ZNF883: variants seen among roughly 807,000 people sequenced by gnomAD.
The protein encoded by ZNF883 is zinc finger protein 883.
chr9:112,991,542 G>T (rs191466956), intron 1 of ZNF883, among the ~76,000 whole-genome samples: 21 of 152,156 alleles, frequency 1.4e-4, no homozygotes, highest in Admixed American at 4.6e-4. Flanking sequence ...TTGCGGCACC[G>T]AGAAGAATGT....
At chr9:113,004,314 T>A (rs1587896870) in intron 2 of ZNF883, among the ~76,000 whole-genome samples, 1 of 152,230 alleles carries the variant, frequency 6.6e-6, no homozygotes, top group Non-Finnish European at 1.5e-5. Context: ...TTGTTTTAAG[T>A]TACCCAATTT....
intron 2 of ZNF883, among the ~76,000 whole-genome samples, chr9:113,008,342 C>T (rs774818730): frequency 6.6e-6 from 1 of 152,054 alleles, no homozygotes; most frequent in African/African-American, 2.4e-5. Context: ...CCTTTTTTAA[C>T]ATTCTAAGTA....
chr9:112,996,562 C>T (rs916745572), downstream of ZNF883, among the ~76,000 whole-genome samples: 22 of 151,140 alleles, frequency 1.5e-4, no homozygotes, highest in Non-Finnish European at 2.8e-4. Flanking sequence ...GAGGCCGAGG[C>T]GGGCAGATCA....
intron 2 of ZNF883, among the ~76,000 whole-genome samples, chr9:113,005,439 A>G (rs1039248970): frequency 6.6e-6 from 1 of 152,362 alleles, no homozygotes; most frequent in South Asian, 2.1e-4. Context: ...TTCTAATCCC[A>G]GAAATACAAA....
chr9:112,998,282 A>G (rs372886114), upstream of ZNF883: 43 of 1,449,560 alleles, frequency 3.0e-5, no homozygotes, highest in Non-Finnish European at 3.9e-5. Context: ...ATGGCTTTAC[A>G]TTTATTTATT....
chr9:112,993,688 C>A (rs888881020), downstream of ZNF883, among the ~76,000 whole-genome samples: 1 of 152,220 alleles, frequency 6.6e-6, no homozygotes, highest in Non-Finnish European at 1.5e-5. Context: ...ACCACAGCCA[C>A]CCCTCCCCAC....
chr9:113,011,795 C>CCA (rs1828541467), intron 1 of ZNF883, among the ~76,000 whole-genome samples: 2 of 152,108 alleles, frequency 1.3e-5, no homozygotes, highest in African/African-American at 4.8e-5. Context: ...GGTTGCCCCT[C>CCA]CCCAGATAAA....
chr9:113,000,762 G>A (rs1828414732), upstream of ZNF883, among the ~76,000 whole-genome samples: 1 of 152,106 alleles, frequency 6.6e-6, no homozygotes, highest in Non-Finnish European at 1.5e-5. Context: ...TTAAAGTGAA[G>A]TAGGACATTC....
downstream of ZNF883, among the ~76,000 whole-genome samples, chr9:112,992,213 C>T (rs970843632): frequency 2.0e-5 from 3 of 152,198 alleles, no homozygotes; most frequent in Non-Finnish European, 4.4e-5. Context: ...TTAGGAGTGG[C>T]TGGAAATAAT....
downstream of ZNF883, among the ~76,000 whole-genome samples, chr9:112,994,330 T>C (rs10817423): frequency 0.063 from 9,599 of 151,898 alleles, 624 homozygotes; most frequent in East Asian, 0.34. Flanking sequence ...CTCTCCATGC[T>C]TTTCCTCACT....
intron 2 of ZNF883, among the ~76,000 whole-genome samples, chr9:113,008,895 T>C (rs1201902169): frequency 6.6e-6 from 1 of 152,014 alleles, no homozygotes; most frequent in Non-Finnish European, 1.5e-5. Flanking sequence ...TGAGAGCATT[T>C]GGAAGTTCTT....
chr9:113,010,859 G>A (rs976714574), intron 2 of ZNF883, among the ~76,000 whole-genome samples: 2 of 151,680 alleles, frequency 1.3e-5, no homozygotes, highest in African/African-American at 2.4e-5. Flanking sequence ...GGTGGTGCAC[G>A]CCTGTAATTC....
intron 2 of ZNF883, among the ~76,000 whole-genome samples, chr9:113,006,011 T>C (rs1828471483): frequency 6.7e-6 from 1 of 149,410 alleles, no homozygotes; most frequent in Non-Finnish European, 1.5e-5. Context: ...CAGGAGAAAG[T>C]AAACAACAGG....
chr9:113,004,121 T>C (rs1278699708), intron 2 of ZNF883, among the ~76,000 whole-genome samples: 1 of 152,106 alleles, frequency 6.6e-6, no homozygotes, highest in Non-Finnish European at 1.5e-5. Flanking sequence ...AGTCATGTGA[T>C]GAAAGAGCAG....
At position 112,997,574 on chromosome 9, in the gene ZNF883, C is replaced by A. The variant is rs1828375254; in HGVS notation, n.686G>T. Reference sequence around the variant, plus strand: ...ATAGGGTTTTTCTCCAGTATGAATTCTTTGATGTTGAATGAAGGCTGGGGT... The same window carrying A: ...ATAGGGTTTTTCTCCAGTATGAATTATTTGATGTTGAATGAAGGCTGGGGT... On this transcript the variant is annotated non_coding_transcript_exon_variant, in exon 1 of 1. Transcript: ENST00000639662. 1.4e-5 allele frequency: 23 copies of A among 1,614,122 alleles called. No individual in the cohort carries two copies. In the East Asian group the frequency reaches 4.7e-4, roughly 33 times the overall value.
rs115314102 is a variant in ZNF883 at position 113,007,551 on chromosome 9, T to C, written n.165+3590A>G. On this transcript the variant is annotated intron_variant and non_coding_transcript_variant, in intron 2 of 4. Transcript: ENST00000638622. ...TCAGCCAGGCAAAATTAGCTGTGAG[T>C]ATCCTAATCTTTGCCACATCCCTCA... Among the ~76,000 whole-genome samples, 818 of 152,280 alleles carry C rather than the reference T, an allele frequency of 5.4e-3. 4 individuals carry two copies. The highest frequency in any genetic ancestry group is 0.019 in the African/African-American group (782 of 41,548).
chr9:113,005,451 T>C (rs1027002160), intron 2 of ZNF883, among the ~76,000 whole-genome samples: 1 of 152,046 alleles, frequency 6.6e-6, no homozygotes, highest in Non-Finnish European at 1.5e-5. Context: ...AAATACAAAT[T>C]AAGATATCAA....
At chr9:113,007,235 C>G (rs946021850) in intron 2 of ZNF883, among the ~76,000 whole-genome samples, 1 of 152,182 alleles carries the variant, frequency 6.6e-6, no homozygotes, top group South Asian at 2.1e-4. Flanking sequence ...GTACCCCTGA[C>G]GGGGTAGATG....
At chr9:112,993,916 A>G (rs1314018623), downstream of ZNF883, among the ~76,000 whole-genome samples, 1 of 152,132 alleles carries the variant, frequency 6.6e-6, no homozygotes, top group Non-Finnish European at 1.5e-5. Flanking sequence ...CAGGGGAAAA[A>G]TGGCAGACTG....
Sources: gnomAD v4.1 joint callset for allele counts (sites outside exome capture counted in the v4.1 genomes callset) on GRCh38, gnomAD v4.1.1 for gene constraint, MANE v1.5 for transcripts, NCBI Gene and HGNC (gene_info 2026-07-23, HGNC 2026-07-21) for gene names.